The following MTTP variants were observed in gnomAD, a reference collection of about 807,000 sequenced individuals.
MTTP encodes the protein microsomal triglyceride transfer protein.
Under a neutral mutation model 90.6 loss-of-function variants are expected in MTTP, and 49 were observed. The ratio of observed to expected loss-of-function variants is 0.54; its 90% CI spans 0.43 to 0.69. The LOEUF (loss-of-function observed/expected upper bound fraction) is 0.69. Among genes scored for constraint, MTTP ranks in the 30% least tolerant of loss-of-function variants. MTTP has a pLI of 0.00. For missense variants in MTTP, 945 were observed against 1,067.5 expected, an observed-to-expected ratio of 0.89 and a Z score of 1.60; for synonymous variants, 347 against 384.2, an observed-to-expected ratio of 0.90 and a Z score of 1.13.
Position 99,582,077 on chromosome 4 carries a change from G to C in MTTP, c.234G>C (p.Gln78His). 2 of 1,614,134 alleles carry C rather than the reference G, an allele frequency of 1.2e-6. No individual in the cohort carries two copies. The highest frequency in any genetic ancestry group is 1.7e-6 in the Non-Finnish European group (2 of 1,179,998). Residue 78 changes from glutamine (Q) to histidine (H), a missense_variant, in exon 2 of 18, where the codon CAG becomes CAC. Coordinates refer to ENST00000265517, the MANE Select transcript of MTTP (RefSeq NM_001386140.1). ...LWRNPDGDDD[Q>H]LIQITMKDVN... ...GGAATCCTGATGGTGATGATGACCA[G>C]TTGATCCAAATAACGGTGGGCATTT...
intron 7 of MTTP, chr4:99,595,457 G>C (rs1403751747): frequency 6.1e-6 from 1 of 163,930 alleles, no homozygotes; most frequent in Non-Finnish European, 1.3e-5. Flanking sequence ...TTTATTGCAT[G>C]AATCAGTTAT....
At chr4:99,582,143 G>A (rs777088644) in intron 2 of MTTP, 51 bp downstream of exon 2, 1 of 1,589,938 alleles carries the variant, frequency 6.3e-7, no homozygotes, top group African/African-American at 1.3e-5. Flanking sequence ...AGAAGTTTTT[G>A]AGAAGTGTAC....
intron 1 of MTTP, among the ~76,000 whole-genome samples, chr4:99,577,906 C>T (rs1435122786): frequency 6.6e-6 from 1 of 152,142 alleles, no homozygotes; most frequent in Admixed American, 6.5e-5. Context: ...GTCTTTCTCT[C>T]AATCCCTCAC....
chr4:99,576,694 CAAAAAAA>C (rs10630406), intron 1 of MTTP, among the ~76,000 whole-genome samples: 2 of 69,972 alleles, frequency 2.9e-5, no homozygotes, highest in African/African-American at 6.0e-5. Context: ...GACTCCGTCT[CAAAAAAA>C]AAAAAAAAAA....
chr4:99,583,668 T>C (rs1271010820), intron 3 of MTTP, 151 bp downstream of exon 3: 1 of 974,866 alleles, frequency 1.0e-6, no homozygotes, highest in East Asian at 2.6e-5. Context: ...GTAAATTAAA[T>C]GTTTCCAAAC....
intron 1 of MTTP, chr4:99,564,326 T>C: frequency 1.5e-6 from 2 of 1,301,680 alleles, no homozygotes; most frequent in Non-Finnish European, 2.1e-6. Flanking sequence ...GTGTTGAAAA[T>C]GAGAGAAAAA....
At chr4:99,576,555 C>G (rs1024208369) in intron 1 of MTTP, among the ~76,000 whole-genome samples, 1 of 150,902 alleles carries the variant, frequency 6.6e-6, no homozygotes, top group African/African-American at 2.4e-5. Context: ...ATTAGCCGGG[C>G]GTAGTGGCGG....
chr4:99,608,650 G>A, intron 11 of MTTP, 116 bp from the exon 12 acceptor site: 1 of 847,322 alleles, frequency 1.2e-6, no homozygotes, highest in Non-Finnish European at 2.0e-6. Context: ...AAAGGAATCT[G>A]GGAAATGTAG....
At chr4:99,566,297 GAAAAAAAAA>G (rs567380343) in intron 1 of MTTP, among the ~76,000 whole-genome samples, 1 of 117,534 alleles carries the variant, frequency 8.5e-6, no homozygotes, top group Non-Finnish European at 1.8e-5. Flanking sequence ...TCAAAAAAAA[GAAAAAAAAA>G]AAAAAAAAGA....
intron 12 of MTTP, among the ~76,000 whole-genome samples, chr4:99,609,247 T>C (rs1725894971): frequency 6.6e-6 from 1 of 152,196 alleles, no homozygotes; most frequent in African/African-American, 2.4e-5. Context: ...CCAAATGTTT[T>C]AAAAGCTAAC....
At position 99,621,242 on chromosome 4, in the gene MTTP, G is replaced by A; in HGVS notation, c.2513+11G>A. ...TGAAGCTCCATTCAGGTAAGATGCA[G>A]CGTTCAGGTCATGTTCCAGGACCAT... On this transcript the variant is annotated intron_variant, in intron 17 of 17. Coordinates refer to ENST00000265517, the MANE Select transcript of MTTP (RefSeq NM_001386140.1). The A allele has an allele frequency of 1.9e-6, 3 of 1,613,830 alleles. No homozygotes were observed. Among genetic ancestry groups the A allele is most frequent in the Non-Finnish European group, 2.5e-6 (3 of 1,179,778 alleles).
chr4:99,574,134 A>AGCCTGTTT (rs1227685081), upstream of MTTP, among the ~76,000 whole-genome samples: 2 of 152,246 alleles, frequency 1.3e-5, no homozygotes, highest in African/African-American at 2.4e-5. Context: ...GACTGCATCC[A>AGCCTGTTT]GCCTGTTTGG....
At chr4:99,613,653 C>T (rs79149824) in intron 15 of MTTP, among the ~76,000 whole-genome samples, 3,539 of 152,274 alleles carry the variant, frequency 0.023, 108 homozygotes, top group Middle Eastern at 0.1. Context: ...CCAAAATTCT[C>T]ATGTATATAA....
chr4:99,565,630 C>T (rs1478146518), intron 1 of MTTP, among the ~76,000 whole-genome samples: 1 of 152,118 alleles, frequency 6.6e-6, no homozygotes, highest in African/African-American at 2.4e-5. Flanking sequence ...CTTAAGGAAT[C>T]CTTAATCTAA....
chr4:99,587,751 C>T (rs1725292579), intron 3 of MTTP, among the ~76,000 whole-genome samples: 1 of 152,092 alleles, frequency 6.6e-6, no homozygotes, highest in African/African-American at 2.4e-5. Flanking sequence ...ACACTTCTGA[C>T]TATTTTGGGG....
chr4:99,572,591 G>A (rs540405075), upstream of MTTP, among the ~76,000 whole-genome samples: 3 of 152,104 alleles, frequency 2.0e-5, no homozygotes, highest in Admixed American at 2.0e-4. Flanking sequence ...AAAAACGTAA[G>A]GTGATTAACA....
At chr4:99,614,174 G>A (rs944938446) in intron 15 of MTTP, among the ~76,000 whole-genome samples, 26 of 152,048 alleles carry the variant, frequency 1.7e-4, no homozygotes, top group African/African-American at 4.6e-4. Flanking sequence ...TTTTGCCTCC[G>A]TTACCTTCTT....
chr4:99,589,636 C>T lies in MTTP; in HGVS notation c.394-7C>T, dbSNP rs368989581. On this transcript the variant is annotated splice_polypyrimidine_tract_variant and splice_region_variant and intron_variant, in intron 3 of 17. Coordinates refer to ENST00000265517, the MANE Select transcript of MTTP (RefSeq NM_001386140.1). ...TCATTTGTGTTCTGTTCCCCTCTCCCCACCAGGTCAAAGAGTTCTACTCAT... is the reference window on the plus strand; with the variant it reads ...TCATTTGTGTTCTGTTCCCCTCTCCTCACCAGGTCAAAGAGTTCTACTCAT... 1.5e-4 allele frequency: 226 copies of T among 1,533,644 alleles called. No homozygotes were observed. The Middle Eastern group carries it at 1.7e-3, about 12-fold the overall frequency.
At chr4:99,620,918 C>T (rs1726213298) in intron 16 of MTTP, 143 bp from the exon 17 acceptor site, 3 of 768,188 alleles carry the variant, frequency 3.9e-6, no homozygotes, top group South Asian at 3.6e-5. Context: ...ACTCTAAGCA[C>T]ATCCAGGTCA....
Sources: gnomAD v4.1 joint callset for allele counts (sites outside exome capture counted in the v4.1 genomes callset) on GRCh38, gnomAD v4.1.1 for gene constraint, MANE v1.5 for transcripts, NCBI Gene and HGNC (gene_info 2026-07-23, HGNC 2026-07-21) for gene names.